Variants in ATRN observed in about 807,000 individuals in gnomAD.
ATRN encodes attractin-2.
ATRN carries 54 observed loss-of-function variants against 178.7 expected under a neutral mutation model. The observed-to-expected ratio is 0.30, with a 90% CI of 0.24 to 0.38. ATRN has a LOEUF of 0.38. Ranked by LOEUF, ATRN falls within the 10% of genes least tolerant of loss-of-function variation. The pLI is 1.00. For missense variants in ATRN, 1,443 were observed against 1,815.1 expected (o/e 0.79, Z 3.73); for synonymous variants, 636 against 663.0 (o/e 0.96, Z 0.63).
chr20:3,558,093 A>G (rs2085902260), intron 6 of ATRN, among the ~76,000 whole-genome samples: 1 of 152,094 alleles, frequency 6.6e-6, no homozygotes, highest in African/African-American at 2.4e-5. Context: ...CCCAGAGATA[A>G]CCTGTATCCT....
At chr20:3,598,665 C>G (rs976096321) in intron 22 of ATRN, among the ~76,000 whole-genome samples, 2 of 152,180 alleles carry the variant, frequency 1.3e-5, no homozygotes, top group South Asian at 4.1e-4. Flanking sequence ...GGCCACACTG[C>G]GGGACATTTA....
chr20:3,501,413 C>T (rs924224576), intron 1 of ATRN, among the ~76,000 whole-genome samples: 28 of 152,290 alleles, frequency 1.8e-4, no homozygotes, highest in African/African-American at 6.5e-4. Context: ...ATTCCCACTA[C>T]AAGGAACTTA....
At chr20:3,518,303 G>C (rs778952017) in intron 1 of ATRN, among the ~76,000 whole-genome samples, 1 of 152,158 alleles carries the variant, frequency 6.6e-6, no homozygotes, top group African/African-American at 2.4e-5. Flanking sequence ...TGCAGGCTCC[G>C]TGCTTGGTAT....
intron 19 of ATRN, among the ~76,000 whole-genome samples, chr20:3,594,150 G>C (rs1029605876): frequency 3.9e-5 from 6 of 152,178 alleles, no homozygotes; most frequent in Non-Finnish European, 8.8e-5. Flanking sequence ...GCATTCTAGA[G>C]ATGCTTCACA....
At chr20:3,531,589 T>G (rs2085453867) in intron 1 of ATRN, among the ~76,000 whole-genome samples, 1 of 152,150 alleles carries the variant, frequency 6.6e-6, no homozygotes, top group South Asian at 2.1e-4. Context: ...CCAGATTAGT[T>G]TGAGAAATTT....
intron 4 of ATRN, among the ~76,000 whole-genome samples, chr20:3,546,608 G>T (rs2085706557): frequency 6.6e-6 from 1 of 151,952 alleles, no homozygotes. Context: ...GGCCAGGCTG[G>T]TCTTGAACTC....
intron 17 of ATRN, 34 bp from the exon 18 acceptor site, chr20:3,584,613 G>A (rs1488925471): frequency 6.7e-7 from 1 of 1,501,388 alleles, no homozygotes; most frequent in East Asian, 2.3e-5. Context: ...AGATCTACCT[G>A]TGATAGTCAA....
intron 1 of ATRN, among the ~76,000 whole-genome samples, chr20:3,527,324 A>T (rs560617031): frequency 1.6e-4 from 25 of 152,348 alleles, no homozygotes; most frequent in African/African-American, 5.8e-4. Context: ...CATGAAAAAA[A>T]GTTAATCATC....
chr20:3,634,020 T>A (rs2146322436), intron 25 of ATRN, among the ~76,000 whole-genome samples: 1 of 152,316 alleles, frequency 6.6e-6, no homozygotes, highest in South Asian at 2.1e-4. Flanking sequence ...TTTTTCTTAT[T>A]TGGGATAAGC....
intron 24 of ATRN, among the ~76,000 whole-genome samples, chr20:3,604,857 G>GTCTTGTTAGCCTGCTCCTTTCC (rs2146291756): frequency 6.6e-6 from 1 of 152,322 alleles, no homozygotes; most frequent in Admixed American, 6.5e-5. Context: ...CTGCTGCAGT[G>GTCTTGTTAGCCTGCTCCTTTCC]TCTTGTTAGC....
At chr20:3,502,281 T>C (rs2084975034) in intron 1 of ATRN, among the ~76,000 whole-genome samples, 1 of 152,054 alleles carries the variant, frequency 6.6e-6, no homozygotes, top group African/African-American at 2.4e-5. Flanking sequence ...ACAAATAAGA[T>C]GGTATAGACT....
intron 11 of ATRN, among the ~76,000 whole-genome samples, chr20:3,566,574 C>T (rs997401397): frequency 1.3e-5 from 2 of 151,886 alleles, no homozygotes; most frequent in Non-Finnish European, 2.9e-5. Flanking sequence ...TCTGTTGTAA[C>T]GATGGAAGAC....
chr20:3,561,877 G>A (rs1437472426), intron 8 of ATRN, among the ~76,000 whole-genome samples: 1 of 152,082 alleles, frequency 6.6e-6, no homozygotes, highest in Non-Finnish European at 1.5e-5. Context: ...ACAGGTGCGT[G>A]CCACCACTCC....
intron 6 of ATRN, among the ~76,000 whole-genome samples, chr20:3,554,445 C>T (rs1234557032): frequency 6.6e-6 from 1 of 151,942 alleles, no homozygotes; most frequent in Non-Finnish European, 1.5e-5. Context: ...ACACCATTCT[C>T]CTGCCTCAGC....
rs916497811 is a variant in ATRN at position 3,632,469 on chromosome 20, C to G, written c.3864-1842C>G. Among the ~76,000 whole-genome samples, 2 of 152,180 alleles carry G rather than the reference C, an allele frequency of 1.3e-5. No individual in the cohort carries two copies. The highest frequency in any genetic ancestry group is 4.8e-5 in the African/African-American group (2 of 41,456). On this transcript the variant is annotated intron_variant, in intron 25 of 28. Coordinates refer to ENST00000262919, the MANE Select transcript of ATRN (RefSeq NM_139321.3). The surrounding 1 kb of genome is among the most constrained non-coding windows in gnomAD (Gnocchi z 4.2). ...AACATGCTGGCCTCCTGAGGCTCCC[C>G]AAGCCATCCCAGGCACGGCCTTGCC...
At chr20:3,565,129 C>T (rs1471455228) in intron 10 of ATRN, among the ~76,000 whole-genome samples, 2 of 152,038 alleles carry the variant, frequency 1.3e-5, no homozygotes. Flanking sequence ...ATTTCGGGTG[C>T]GTTTGCTAGT....
chr20:3,610,626 G>A (rs1297735001), intron 24 of ATRN, among the ~76,000 whole-genome samples: 2 of 139,084 alleles, frequency 1.4e-5, no homozygotes, highest in Admixed American at 7.7e-5. Flanking sequence ...AGGCCAAAGT[G>A]TAGTGGTGCA....
chr20:3,535,702 G>T (rs939079054), intron 2 of ATRN, among the ~76,000 whole-genome samples: 5 of 151,654 alleles, frequency 3.3e-5, no homozygotes, highest in Non-Finnish European at 5.9e-5. Context: ...CGTGATCTCC[G>T]CTCACTGCAA....
At chr20:3,599,075 G>A (rs914416118) in intron 22 of ATRN, among the ~76,000 whole-genome samples, 1 of 152,074 alleles carries the variant, frequency 6.6e-6, no homozygotes. Flanking sequence ...AAGAAAAAAT[G>A]TACTAGAAAA....
Sources: allele counts gnomAD v4.1 joint callset (sites outside exome capture counted in the v4.1 genomes callset), GRCh38; gene constraint gnomAD v4.1.1; non-coding constraint Gnocchi (gnomAD v3.1); transcripts MANE v1.5; gene names NCBI Gene and HGNC (gene_info 2026-07-23, HGNC 2026-07-21).